The following USP49 variants were observed in gnomAD, a reference collection of about 807,000 sequenced individuals.
The protein encoded by USP49 is ubiquitin carboxyl-terminal hydrolase 49.
Under a neutral mutation model 58.6 loss-of-function variants are expected in USP49, and 24 were observed. The ratio of observed to expected loss-of-function variants is 0.41; its 90% CI spans 0.30 to 0.58. USP49 has a LOEUF of 0.58. Among genes scored for constraint, USP49 ranks in the 20% least tolerant of loss-of-function variants. The probability of loss-of-function intolerance (pLI) is 0.30; values close to 1 mark genes in which losing one functional copy is unlikely to be tolerated. For missense variants in USP49, 703 were observed against 866.1 expected (o/e 0.81, Z 2.36); for synonymous variants, 408 against 365.1 (o/e 1.12, Z -1.34).
At chr6:41,808,472 T>C (rs959655743) in intron 3 of USP49, among the ~76,000 whole-genome samples, 4 of 146,100 alleles carry the variant, frequency 2.7e-5, no homozygotes, top group African/African-American at 1.0e-4. Flanking sequence ...TACAGTGGCG[T>C]GGTCTCAGCT....
rs1228090349 is a variant in USP49, at chr6:41,884,304, T to C, written c.-103+7490A>G. On this transcript the variant is annotated intron_variant, in intron 2 of 7. Coordinates refer to ENST00000682992, the MANE Select transcript of USP49 (RefSeq NM_001286554.2). ...TCCCAAAGTGCTGGGATTACAGGCG[T>C]GAGCCACCGCGCCAGGCCCATAACA... Among the ~76,000 whole-genome samples, 72 of 152,274 alleles carry C rather than the reference T, an allele frequency of 4.7e-4. 1 individual carries two copies. Among genetic ancestry groups the C allele is most frequent in the Admixed American group, 4.6e-3 (71 of 15,286 alleles).
intron 3 of USP49, among the ~76,000 whole-genome samples, chr6:41,870,688 ATTTT>A (rs70987539): frequency 6.0e-5 from 7 of 116,064 alleles, no homozygotes; most frequent in African/African-American, 1.3e-4. Context: ...CACCTGGCTA[ATTTT>A]TTTTTTTTTT....
chr6:41,814,171 A>G (rs1773307330), intron 3 of USP49, among the ~76,000 whole-genome samples: 1 of 152,192 alleles, frequency 6.6e-6, no homozygotes, highest in Non-Finnish European at 1.5e-5. Flanking sequence ...TTTTAAATAG[A>G]TCAGCAGCTT....
At chr6:41,861,358 G>A (rs564192469) in intron 3 of USP49, among the ~76,000 whole-genome samples, 5 of 151,888 alleles carry the variant, frequency 3.3e-5, no homozygotes, top group South Asian at 2.1e-4. Context: ...CAGGAAAATC[G>A]CTCGAACCCA....
chr6:41,851,773 T>C (rs554661519), intron 3 of USP49, among the ~76,000 whole-genome samples: 2 of 150,182 alleles, frequency 1.3e-5, no homozygotes, highest in Non-Finnish European at 3.0e-5. Context: ...GCCAAGATGG[T>C]GAAACCCCAT....
At chr6:41,890,410 T>C (rs1319174390) in intron 2 of USP49, among the ~76,000 whole-genome samples, 1 of 151,760 alleles carries the variant, frequency 6.6e-6, no homozygotes, top group Admixed American at 6.6e-5. Context: ...TCAATTTACT[T>C]AACCAATTAA....
intron 3 of USP49, among the ~76,000 whole-genome samples, chr6:41,814,426 A>G (rs1341971747): frequency 6.6e-6 from 1 of 152,244 alleles, no homozygotes; most frequent in Non-Finnish European, 1.5e-5. Context: ...TAGATTTATC[A>G]TATAATTTTT....
At chr6:41,839,404 CAAAAAAA>C (rs538220746) in intron 3 of USP49, among the ~76,000 whole-genome samples, 4 of 22,234 alleles carry the variant, frequency 1.8e-4, no homozygotes, top group Admixed American at 1.8e-3. Flanking sequence ...GGCCTTGTCT[CAAAAAAA>C]AAAAAAAAAA....
intron 3 of USP49, among the ~76,000 whole-genome samples, chr6:41,853,275 C>A (rs1024232308): frequency 6.6e-6 from 1 of 152,010 alleles, no homozygotes; most frequent in Admixed American, 6.6e-5. Context: ...ATATGCCCAT[C>A]GGAAAAAGAC....
chr6:41,830,008 C>T (rs1379798744), intron 3 of USP49, among the ~76,000 whole-genome samples: 3 of 152,112 alleles, frequency 2.0e-5, no homozygotes, highest in Admixed American at 1.3e-4. Flanking sequence ...ACCATCCTTG[C>T]ATATAATAAT....
At chr6:41,839,998 A>G (rs1039537483) in intron 3 of USP49, among the ~76,000 whole-genome samples, 3 of 152,162 alleles carry the variant, frequency 2.0e-5, no homozygotes, top group African/African-American at 7.2e-5. Flanking sequence ...AAAATAAAAG[A>G]GAACTCTGCA....
At chr6:41,840,687 T>G (rs1773810026) in intron 3 of USP49, among the ~76,000 whole-genome samples, 1 of 152,226 alleles carries the variant, frequency 6.6e-6, no homozygotes, top group African/African-American at 2.4e-5. Flanking sequence ...ATTTTTGTTC[T>G]TTTCATTTTA....
chr6:41,880,702 CCAAA>C (rs1373138022), intron 2 of USP49, among the ~76,000 whole-genome samples: 1 of 151,918 alleles, frequency 6.6e-6, no homozygotes, highest in Non-Finnish European at 1.5e-5. Flanking sequence ...ATGCAGATTC[CCAAA>C]CAAATTTACA....
chr6:41,846,227 G>T (rs1018058089), intron 3 of USP49, among the ~76,000 whole-genome samples: 3 of 152,168 alleles, frequency 2.0e-5, no homozygotes, highest in Admixed American at 2.0e-4. Context: ...TGAGGCAGGA[G>T]AAGCACTTGA....
chr6:41,840,357 G>A lies in USP49; in HGVS notation c.-29+31207C>T, dbSNP rs1408121838. Among the ~76,000 whole-genome samples the A allele has an allele frequency of 4.1e-4, 59 of 143,564 alleles. 1 individual carries two copies. Among genetic ancestry groups the A allele is most frequent in the Admixed American group, 3.3e-3 (46 of 13,852 alleles). 94.2% of individuals were successfully genotyped at this position (143,564 alleles called of 152,430 possible). On this transcript the variant is annotated intron_variant, in intron 3 of 7. Transcript: ENST00000682992. Reference sequence around the variant, plus strand: ...CCACTGCACTCCAGCCTGGGCGACCGAGCAAAACTCCGTCTCAAAAAAAAA... The same window carrying A: ...CCACTGCACTCCAGCCTGGGCGACCAAGCAAAACTCCGTCTCAAAAAAAAA...
intron 3 of USP49, among the ~76,000 whole-genome samples, chr6:41,808,344 T>G (rs1026077990): frequency 6.6e-6 from 1 of 152,062 alleles, no homozygotes; most frequent in East Asian, 1.9e-4. Flanking sequence ...CAATAATGCT[T>G]CTTCAATTCA....
At chr6:41,808,303 A>C (rs1482975267) in intron 3 of USP49, among the ~76,000 whole-genome samples, 2 of 152,164 alleles carry the variant, frequency 1.3e-5, no homozygotes, top group Non-Finnish European at 1.5e-5. Flanking sequence ...AAACAGTAGA[A>C]CATCCTAAGC....
intron 3 of USP49, chr6:41,869,707 C>CAAAAA (rs879736045): frequency 9.1e-6 from 1 of 110,470 alleles, no homozygotes. Flanking sequence ...AAGATTATCT[C>CAAAAA]AAAAAAAAAA....
intron 3 of USP49, among the ~76,000 whole-genome samples, chr6:41,830,624 C>T (rs189164175): frequency 4.6e-5 from 7 of 152,110 alleles, no homozygotes; most frequent in Non-Finnish European, 7.4e-5. Flanking sequence ...TTAACCAGTT[C>T]GAGACCAGCC....
Sources: gnomAD v4.1 joint callset for allele counts (sites outside exome capture counted in the v4.1 genomes callset) on GRCh38, gnomAD v4.1.1 for gene constraint, MANE v1.5 for transcripts, NCBI Gene and HGNC (gene_info 2026-07-23, HGNC 2026-07-21) for gene names.